CASP8: variants seen among roughly 807,000 people sequenced by gnomAD.
CASP8 encodes caspase-8.
Under a neutral mutation model 46.3 loss-of-function variants are expected in CASP8, and 24 were observed. The ratio of observed to expected loss-of-function variants is 0.52; its 90% CI spans 0.38 to 0.73. CASP8 has a LOEUF of 0.73. CASP8 is among the 30% of genes least tolerant of loss of function. The probability of loss-of-function intolerance (pLI) is 0.00; values close to 1 mark genes in which losing one functional copy is unlikely to be tolerated. For missense variants in CASP8, 460 were observed against 559.0 expected (o/e 0.82, Z 1.79); for synonymous variants, 188 against 200.4 (o/e 0.94, Z 0.52).
chr2:201,286,626 GT>G lies in CASP8; in HGVS notation c.*39del, dbSNP rs748265805. 1.1e-5 allele frequency: 18 copies of G among 1,591,980 alleles called. No individual in the cohort carries two copies. Among genetic ancestry groups the G allele is most frequent in the African/African-American group, 8.1e-5 (6 of 74,152 alleles). Reference sequence around the variant, plus strand: ...TATTTTGTTTGTTTTGTTTTGTTTTGTTTTTTTGAGACAGAATCTCGCTCTG... The same window carrying G: ...TATTTTGTTTGTTTTGTTTTGTTTTGTTTTTTGAGACAGAATCTCGCTCTG... On this transcript the variant is annotated 3_prime_UTR_variant, in exon 9 of 9. Coordinates refer to ENST00000673742, the MANE Select transcript of CASP8 (RefSeq NM_001372051.1).
In CASP8 at chr2:201,285,150, C is replaced by G. The variant is rs369704935; in HGVS notation, c.1137C>G (p.Pro379=). 1 of 1,614,184 alleles carries G rather than the reference C, an allele frequency of 6.2e-7. No individual in the cohort carries two copies. The highest frequency in any genetic ancestry group is 8.5e-7 in the Non-Finnish European group (1 of 1,180,036). Reference sequence around the variant, plus strand: ...TTGAGACTGATTCAGAGGAGCAACCCTATTTAGAAATGGATTTATCATCAC... The same window carrying G: ...TTGAGACTGATTCAGAGGAGCAACCGTATTTAGAAATGGATTTATCATCAC... ...IPVETDSEEQ[P]YLEMDLSSPQ... Residue 379 remains proline, a synonymous_variant, in exon 8 of 9, where the codon CCC becomes CCG. Coordinates refer to ENST00000673742, the MANE Select transcript of CASP8 (RefSeq NM_001372051.1).
At position 201,272,945 on chromosome 2, in the gene CASP8, A is replaced by G. The variant is rs201822314; in HGVS notation, c.595+3A>G. ...AAGTCCTGATGAATTTTCAAATGGT[A>G]ATGCTTGGAGATACATTTTCAAGAT... On this transcript the variant is annotated splice_donor_region_variant and intron_variant, in intron 5 of 8. Coordinates refer to ENST00000673742, the MANE Select transcript of CASP8 (RefSeq NM_001372051.1). The surrounding 1 kb of genome is among the most constrained non-coding windows in gnomAD (Gnocchi z 4.4). 203 of 1,613,308 alleles carry G rather than the reference A, an allele frequency of 1.3e-4. No homozygotes were observed. The African/African-American group carries it at 2.6e-3, about 21-fold the overall frequency.
intron 5 of CASP8, among the ~76,000 whole-genome samples, chr2:201,273,339 A>G (rs926296940): frequency 1.6e-4 from 24 of 152,182 alleles, no homozygotes; most frequent in African/African-American, 5.6e-4. Flanking sequence ...GATTACAGGC[A>G]TGAGCCACTG....
At chr2:201,261,563 G>A (rs569810985) in intron 1 of CASP8, among the ~76,000 whole-genome samples, 60 of 152,264 alleles carry the variant, frequency 3.9e-4, no homozygotes, top group African/African-American at 1.4e-3. Flanking sequence ...TTTTGCTGAG[G>A]TTTGGACACC....
rs34775964 is a variant in CASP8, at chr2:201,237,085, A to ATTTT, written c.-27+2993_-27+2996dup. ...CTTTTCCCCAGTATGACCCCTTTCT[A>ATTTT]TTTTTTTTTTTTTTTTTTTTTTTGA... is the stretch of plus-strand genomic sequence containing the variant. On this transcript the variant is annotated intron_variant, in intron 2 of 6. Transcript: ENST00000264274. Among the ~76,000 whole-genome samples the ATTTT allele has an allele frequency of 1.0e-3, 88 of 88,078 alleles. 1 individual carries two copies. Among genetic ancestry groups the ATTTT allele is most frequent in the African/African-American group, 2.5e-3 (53 of 21,560 alleles). 57.8% of individuals were successfully genotyped at this position (88,078 alleles called of 152,430 possible).
intron 2 of CASP8, among the ~76,000 whole-genome samples, chr2:201,267,095 C>A (rs1398929679): frequency 6.6e-6 from 1 of 151,842 alleles, no homozygotes; most frequent in Non-Finnish European, 1.5e-5. Context: ...ATTTAGGGGC[C>A]TTATATATAA....
At chr2:201,267,458 G>A (rs995972543) in intron 2 of CASP8, among the ~76,000 whole-genome samples, 4 of 152,184 alleles carry the variant, frequency 2.6e-5, no homozygotes, top group East Asian at 1.9e-4. Context: ...CACCGAGGCT[G>A]CCCAGTTCCT....
rs369838407 is a variant in CASP8, at chr2:201,274,104, GGT to G, written c.596-774_596-773del. 2.6e-5 allele frequency among the ~76,000 whole-genome samples: 4 copies of G among 152,066 alleles called. No homozygotes were observed. The South Asian group carries it at 8.3e-4, about 32-fold the overall frequency. On this transcript the variant is annotated intron_variant, in intron 5 of 8. Coordinates refer to ENST00000673742, the MANE Select transcript of CASP8 (RefSeq NM_001372051.1). ...TTGTATTTTTACGTTGGCTCTTTGT[GGT>G]GTGTGTGTGTAAAATACATTTTGGA...
intron 7 of CASP8, among the ~76,000 whole-genome samples, chr2:201,280,574 A>T (rs1948936159): frequency 6.6e-6 from 1 of 152,220 alleles, no homozygotes; most frequent in Non-Finnish European, 1.5e-5. Flanking sequence ...TTTTGGAAAT[A>T]GAACTCTATA....
chr2:201,238,438 TTTTC>T (rs1946148504), intron 2 of CASP8, among the ~76,000 whole-genome samples: 1 of 150,862 alleles, frequency 6.6e-6, no homozygotes, highest in Admixed American at 6.6e-5. Flanking sequence ...TGCTTTTCTT[TTTTC>T]TTTCTTTTTT....
At chr2:201,273,058 C>CTTTTTT (rs397826156) in intron 5 of CASP8, 116 bp downstream of exon 5, 3 of 596,446 alleles carry the variant, frequency 5.0e-6, no homozygotes, top group Admixed American at 3.0e-5. Flanking sequence ...TCTACTTTTT[C>CTTTTTT]TTTTTTTTTT....
chr2:201,250,599 T>C (rs1946735836), intron 2 of CASP8, among the ~76,000 whole-genome samples: 1 of 152,198 alleles, frequency 6.6e-6, no homozygotes, highest in Non-Finnish European at 1.5e-5. Context: ...AACAGCACTG[T>C]GGGGATGGTG....
chr2:201,267,973 C>G (rs1947944261), intron 2 of CASP8, among the ~76,000 whole-genome samples: 1 of 152,178 alleles, frequency 6.6e-6, no homozygotes, highest in Admixed American at 6.5e-5. Context: ...ATCACCCAGG[C>G]TAGAGTGCAG....
chr2:201,240,451 GA>G (rs1250928233), intron 2 of CASP8: 1 of 152,000 alleles, frequency 6.6e-6, no homozygotes, highest in East Asian at 1.9e-4. Flanking sequence ...ATTATATAAT[GA>G]AAAAAGCATC....
chr2:201,245,076 G>A lies in CASP8; in HGVS notation c.-27+10964G>A, dbSNP rs370093187. Among the ~76,000 whole-genome samples the A allele has an allele frequency of 2.0e-5, 3 of 152,288 alleles. No individual in the cohort carries two copies. In the East Asian group the frequency reaches 5.8e-4, roughly 29 times the overall value. Reference sequence around the variant, plus strand: ...CCCTGCTGCTTGGAGGCGATAGAGAGCATAGGGCGTCCATCATATATGCCC... The same window carrying A: ...CCCTGCTGCTTGGAGGCGATAGAGAACATAGGGCGTCCATCATATATGCCC... On this transcript the variant is annotated intron_variant, in intron 2 of 6. Coordinates refer to the CASP8 transcript ENST00000264274.
At chr2:201,246,016 T>C (rs1197131648) in intron 2 of CASP8, among the ~76,000 whole-genome samples, 1 of 152,040 alleles carries the variant, frequency 6.6e-6, no homozygotes, top group Non-Finnish European at 1.5e-5. Flanking sequence ...TACAGGCATG[T>C]GCCACCATGC....
At chr2:201,280,460 T>C (rs1559367628) in intron 7 of CASP8, among the ~76,000 whole-genome samples, 1 of 152,162 alleles carries the variant, frequency 6.6e-6, no homozygotes, top group Non-Finnish European at 1.5e-5. Flanking sequence ...GAGAAAAAAG[T>C]AAGCCAAATA....
At chr2:201,235,790 T>C (rs1025606596) in intron 2 of CASP8, among the ~76,000 whole-genome samples, 3 of 152,244 alleles carry the variant, frequency 2.0e-5, no homozygotes, top group African/African-American at 4.8e-5. Context: ...ACCACATATA[T>C]GATGGTGGTC....
Position 201,266,712 on chromosome 2 carries a change from AT to A in CASP8, c.228del (p.Thr77ProfsTer3). 6.2e-7 allele frequency: 1 copy of A among 1,614,184 alleles called. No individual in the cohort carries two copies. Among genetic ancestry groups the A allele is most frequent in the Non-Finnish European group, 8.5e-7 (1 of 1,180,016 alleles). On this transcript the variant is annotated frameshift_variant, in exon 2 of 9. Transcript: ENST00000673742. LOFTEE classifies it high-confidence loss of function. The surrounding 1 kb of genome is among the most constrained non-coding windows in gnomAD (Gnocchi z 5.7). The stretch of plus-strand genomic sequence containing the variant: ...CCGAATTAATAGACTGGATTTGCTG[AT>A]TACCTACCTAAACACTAGAAAGGAG... ...LFRINRLDLL[I>X]TYLNTRKEEM...
Sources: gnomAD v4.1 joint callset for allele counts (sites outside exome capture counted in the v4.1 genomes callset) on GRCh38, gnomAD v4.1.1 for gene constraint, Gnocchi (gnomAD v3.1) non-coding constraint, MANE v1.5 for transcripts, NCBI Gene and HGNC (gene_info 2026-07-23, HGNC 2026-07-21) for gene names.